SCAMP1: variants seen among roughly 807,000 people sequenced by gnomAD.
SCAMP1 encodes secretory carrier membrane protein 1.
SCAMP1 carries 15 observed loss-of-function variants against 41.8 expected under a neutral mutation model. The observed-to-expected ratio is 0.36, with a 90% CI of 0.24 to 0.55. The LOEUF (loss-of-function observed/expected upper bound fraction) is 0.55, where lower values mean the gene tolerates loss of function less well. Ranked by LOEUF, SCAMP1 falls within the 20% of genes least tolerant of loss-of-function variation. The pLI, the probability that SCAMP1 is intolerant of heterozygous loss-of-function variation, is 0.86. For synonymous variants in SCAMP1, 135 were observed against 136.8 expected (o/e 0.99, Z 0.09); for missense variants, 341 against 412.6 (o/e 0.83, Z 1.50).
At chr5:78,421,561 G>C (rs907801729) in intron 5 of SCAMP1, among the ~76,000 whole-genome samples, 3 of 152,120 alleles carry the variant, frequency 2.0e-5, no homozygotes, top group Middle Eastern at 3.2e-3. Context: ...CCTGTGAGGA[G>C]GAGAGGGCCA....
At chr5:78,392,133 A>G (rs2112093222) in intron 2 of SCAMP1, among the ~76,000 whole-genome samples, 1 of 152,326 alleles carries the variant, frequency 6.6e-6, no homozygotes, top group South Asian at 2.1e-4. Context: ...GCAAAACTTT[A>G]CTAGCAAGAA....
At chr5:78,445,454 T>A (rs909933627) in intron 6 of SCAMP1, among the ~76,000 whole-genome samples, 2 of 152,226 alleles carry the variant, frequency 1.3e-5, no homozygotes, top group African/African-American at 4.8e-5. Flanking sequence ...CTGAGGCAGA[T>A]TACAATTTAA....
intron 1 of SCAMP1, among the ~76,000 whole-genome samples, chr5:78,379,093 A>T (rs1246644827): frequency 2.0e-5 from 3 of 152,212 alleles, no homozygotes; most frequent in Non-Finnish European, 4.4e-5. Flanking sequence ...TTTTGGAATT[A>T]TTAATAAGGA....
At position 78,428,705 on chromosome 5, in the gene SCAMP1, T is replaced by A. The variant is rs148248985; in HGVS notation, c.632+6745T>A. On this transcript the variant is annotated intron_variant, in intron 6 of 8. Coordinates refer to ENST00000621999, the MANE Select transcript of SCAMP1 (RefSeq NM_004866.6). Reference sequence around the variant, plus strand: ...GATTGAGTTAACACTGTAAGCCAGTTTGGGGAGAATTAATACCCTGACAGC... The same window carrying A: ...GATTGAGTTAACACTGTAAGCCAGTATGGGGAGAATTAATACCCTGACAGC... Among the ~76,000 whole-genome samples the A allele has an allele frequency of 4.9e-4, 75 of 152,230 alleles. No homozygotes were observed. In the East Asian group the frequency reaches 0.014, roughly 29 times the overall value.
At chr5:78,460,786 T>TTCCTTTGGTTTCTTTTC (rs1561287054) in intron 8 of SCAMP1, among the ~76,000 whole-genome samples, 1 of 46,468 alleles carries the variant, frequency 2.2e-5, no homozygotes, top group African/African-American at 1.4e-4. Context: ...CCTTCCTTCC[T>TTCCTTTGGTTTCTTTTC]TCCTTCCTTC....
intron 6 of SCAMP1, among the ~76,000 whole-genome samples, chr5:78,424,773 A>T (rs1752425056): frequency 6.6e-6 from 1 of 152,202 alleles, no homozygotes; most frequent in Non-Finnish European, 1.5e-5. Context: ...TGAATTTTGT[A>T]CTTCCACAAA....
intron 7 of SCAMP1, 69 bp downstream of exon 7, chr5:78,450,103 C>G (rs1243195332): frequency 2.5e-6 from 2 of 808,196 alleles, no homozygotes; most frequent in Non-Finnish European, 4.0e-6. Flanking sequence ...GCTTCCTAAT[C>G]TAGTTAACAC....
intron 2 of SCAMP1, among the ~76,000 whole-genome samples, chr5:78,413,881 C>T (rs538461363): frequency 1.3e-3 from 205 of 152,190 alleles, no homozygotes; most frequent in African/African-American, 4.5e-3. Context: ...GATCCTTGAA[C>T]GTCCTTGTGC....
At chr5:78,399,179 A>G (rs915059236) in intron 2 of SCAMP1, among the ~76,000 whole-genome samples, 1 of 152,172 alleles carries the variant, frequency 6.6e-6, no homozygotes, top group Non-Finnish European at 1.5e-5. Context: ...ATAACATACT[A>G]TTGTCTGGAT....
intron 8 of SCAMP1, among the ~76,000 whole-genome samples, chr5:78,468,108 G>A (rs532755972): frequency 6.6e-6 from 1 of 152,216 alleles, no homozygotes; most frequent in Admixed American, 6.5e-5. Flanking sequence ...AATTTCGTTG[G>A]CTTTCTGTTG....
intron 2 of SCAMP1, among the ~76,000 whole-genome samples, chr5:78,407,922 C>T (rs1157748711): frequency 1.3e-5 from 2 of 152,126 alleles, no homozygotes; most frequent in Non-Finnish European, 2.9e-5. Flanking sequence ...CTTTATTAAA[C>T]ACACCTGTTT....
rs1752346590 is a variant in SCAMP1 at position 78,421,848 on chromosome 5, T to C, written c.520T>C (p.Phe174Leu). The change falls in exon 6 of 9, where the codon TTT (phenylalanine) becomes CTT (leucine). Residue 174 changes from phenylalanine to leucine, a missense_variant. Transcript: ENST00000621999. Reference sequence around the variant, plus strand: ...AAATATCTTCGGATGCTTGGCTTGGTTTTGTGTTGATTCTGCAAGAGCGGT... The same window carrying C: ...AAATATCTTCGGATGCTTGGCTTGGCTTTGTGTTGATTCTGCAAGAGCGGT... ...FLNIFGCLAWFCVDSARAVDF... is the reference protein window; with the variant it reads ...FLNIFGCLAWLCVDSARAVDF... 1 of 1,613,736 alleles carries C rather than the reference T, an allele frequency of 6.2e-7. No individual in the cohort carries two copies. The highest frequency in any genetic ancestry group is 1.7e-5 in the Admixed American group (1 of 59,990).
intron 2 of SCAMP1, among the ~76,000 whole-genome samples, chr5:78,411,240 G>T (rs1409755376): frequency 6.6e-6 from 1 of 152,102 alleles, no homozygotes; most frequent in Non-Finnish European, 1.5e-5. Flanking sequence ...GTATTGCCTA[G>T]GTTTTCTTCT....
intron 1 of SCAMP1, among the ~76,000 whole-genome samples, chr5:78,378,666 AGT>A (rs1389586595): frequency 6.6e-6 from 1 of 152,258 alleles, no homozygotes; most frequent in Non-Finnish European, 1.5e-5. Flanking sequence ...GCATTACTAG[AGT>A]ATTGACAGAG....
chr5:78,439,504 G>T (rs897126957), intron 6 of SCAMP1, among the ~76,000 whole-genome samples: 1 of 152,134 alleles, frequency 6.6e-6, no homozygotes, highest in East Asian at 1.9e-4. Context: ...GAAATTCTGG[G>T]TTGAAAATTG....
intron 8 of SCAMP1, among the ~76,000 whole-genome samples, chr5:78,472,685 T>C (rs1753914096): frequency 6.6e-6 from 1 of 152,176 alleles, no homozygotes; most frequent in Admixed American, 6.5e-5. Flanking sequence ...TGGGTCTATA[T>C]AGATACAAAC....
At chr5:78,430,148 A>ATAAATACTGTATTTG (rs1752573787) in intron 6 of SCAMP1, among the ~76,000 whole-genome samples, 1 of 30,816 alleles carries the variant, frequency 3.2e-5, no homozygotes, top group African/African-American at 1.1e-4. Context: ...TACAGTATTT[A>ATAAATACTGTATTTG]TTTATAAATA....
At position 78,419,768 on chromosome 5, in the gene SCAMP1, A is replaced by G. The variant is rs982713316; in HGVS notation, c.472+865A>G. 2.0e-5 allele frequency among the ~76,000 whole-genome samples: 3 copies of G among 152,178 alleles called. 1 individual carries two copies. Among genetic ancestry groups the G allele is most frequent in the African/African-American group, 4.8e-5 (2 of 41,440 alleles). On this transcript the variant is annotated intron_variant, in intron 5 of 8. Transcript: ENST00000621999. ...CCACCCTTCCCTTAATGGATGAGATAATTTTCCTTAAAATCTTTTAGGAGC... is the reference window on the plus strand; with the variant it reads ...CCACCCTTCCCTTAATGGATGAGATGATTTTCCTTAAAATCTTTTAGGAGC...
chr5:78,393,286 C>T (rs1751565043), intron 2 of SCAMP1, among the ~76,000 whole-genome samples: 1 of 152,192 alleles, frequency 6.6e-6, no homozygotes, highest in African/African-American at 2.4e-5. Flanking sequence ...AAGCGATACT[C>T]CTGCCTCAGC....
Sources: gnomAD v4.1 joint callset for allele counts (sites outside exome capture counted in the v4.1 genomes callset) on GRCh38, gnomAD v4.1.1 for gene constraint, MANE v1.5 for transcripts, NCBI Gene and HGNC (gene_info 2026-07-23, HGNC 2026-07-21) for gene names.